The following HMBOX1 variants were observed in gnomAD, a reference collection of about 807,000 sequenced individuals.
HMBOX1 encodes homeobox-containing protein 1.
Under a neutral mutation model 54.5 loss-of-function variants are expected in HMBOX1, and 14 were observed. That is an observed-to-expected ratio of 0.26 (90% CI 0.17 to 0.40). The LOEUF (loss-of-function observed/expected upper bound fraction) is 0.40. HMBOX1 is among the 10% of genes least tolerant of loss of function. The pLI is 1.00. For synonymous variants in HMBOX1, 160 were observed against 181.0 expected, an observed-to-expected ratio of 0.88 and a Z score of 0.93; for missense variants, 332 against 514.4, an observed-to-expected ratio of 0.65 and a Z score of 3.43.
At chr8:28,933,048 C>T (rs1441071024) in intron 1 of HMBOX1, among the ~76,000 whole-genome samples, 4 of 151,960 alleles carry the variant, frequency 2.6e-5, no homozygotes, top group Admixed American at 6.6e-5. Flanking sequence ...TTTATAAAAG[C>T]GGGTCCAAGT....
chr8:29,050,776 C>A, intron 9 of HMBOX1: 1 of 494,082 alleles, frequency 2.0e-6, no homozygotes, highest in Non-Finnish European at 3.6e-6. Context: ...GAATAGAATT[C>A]TCAGTGATGA....
intron 4 of HMBOX1, among the ~76,000 whole-genome samples, chr8:28,990,624 T>C (rs1014363735): frequency 1.3e-5 from 2 of 152,100 alleles, no homozygotes; most frequent in African/African-American, 2.4e-5. Flanking sequence ...CTGTGTTCTT[T>C]CTATTTTTTT....
At chr8:28,992,873 A>AT (rs1831203698) in intron 4 of HMBOX1, among the ~76,000 whole-genome samples, 2 of 146,414 alleles carry the variant, frequency 1.4e-5, no homozygotes. Flanking sequence ...CTGTCTCAAA[A>AT]AAAAAAAAAA....
chr8:28,933,866 GAATT>G (rs1470295061), intron 1 of HMBOX1, among the ~76,000 whole-genome samples: 2 of 152,262 alleles, frequency 1.3e-5, no homozygotes, highest in East Asian at 1.9e-4. Context: ...GCTTAATGGT[GAATT>G]AATTAATGTT....
intron 2 of HMBOX1, among the ~76,000 whole-genome samples, chr8:28,968,948 C>T (rs900881354): frequency 6.6e-6 from 1 of 151,994 alleles, no homozygotes; most frequent in Non-Finnish European, 1.5e-5. Flanking sequence ...CCGAGGCGGG[C>T]GAATCACCTG....
At chr8:29,008,450 A>G (rs1158613702) in intron 4 of HMBOX1, among the ~76,000 whole-genome samples, 1 of 152,126 alleles carries the variant, frequency 6.6e-6, no homozygotes, top group African/African-American at 2.4e-5. Flanking sequence ...AGCTGTTGAG[A>G]TTTCTTAAGA....
chr8:28,918,468 G>T (rs982218388), intron 1 of HMBOX1, among the ~76,000 whole-genome samples: 1 of 152,192 alleles, frequency 6.6e-6, no homozygotes, highest in Non-Finnish European at 1.5e-5. Context: ...CTCCCAAAGT[G>T]TTGGGATTAC....
At position 28,970,394 on chromosome 8, in the gene HMBOX1, A is replaced by G; in HGVS notation, c.375A>G (p.Leu125=). The G allele has an allele frequency of 1.9e-6, 3 of 1,614,162 alleles. No homozygotes were observed. Among genetic ancestry groups the G allele is most frequent in the Non-Finnish European group, 2.5e-6 (3 of 1,179,986 alleles). ...ATGGGAGGGAGAATAATGAGCGATT[A>G]TCTACATCCAATGGAAAGATGTCAC... is the stretch of plus-strand genomic sequence containing the variant. ...NQNGRENNER[L]STSNGKMSPT... is the part of the protein sequence containing the mutation. Residue 125 remains leucine (L), a synonymous_variant, in exon 3 of 10, where the codon TTA becomes TTG. Coordinates refer to ENST00000287701, the MANE Select transcript of HMBOX1 (RefSeq NM_001135726.3). The surrounding 1 kb of genome is among the most constrained non-coding windows in gnomAD (Gnocchi z 4.3).
At chr8:29,046,877 G>T (rs1346535777) in intron 7 of HMBOX1, among the ~76,000 whole-genome samples, 1 of 152,204 alleles carries the variant, frequency 6.6e-6, no homozygotes, top group African/African-American at 2.4e-5. Context: ...AGCTACCTGG[G>T]GGGCTGAGGT....
At chr8:28,902,314 T>A (rs1290877172) in intron 1 of HMBOX1, among the ~76,000 whole-genome samples, 1 of 152,118 alleles carries the variant, frequency 6.6e-6, no homozygotes, top group African/African-American at 2.4e-5. Flanking sequence ...GGGTACTGGA[T>A]CAGAGAAATG....
At position 29,049,027 on chromosome 8, in the gene HMBOX1, C is replaced by T. The variant is rs766493916; in HGVS notation, c.1104C>T (p.Asp368=). 39 of 1,613,284 alleles carry T rather than the reference C, an allele frequency of 2.4e-5. No homozygotes were observed. Among genetic ancestry groups the T allele is most frequent in the African/African-American group, 9.4e-5 (7 of 74,696 alleles). ...GCCACTCAAACAGTGATGATGTCGA[C>T]GGGAATGACTACTCTGAGCAGGTGA... The part of the protein sequence containing the change: ...PGGHSNSDDV[D]GNDYSEQDDS... The change falls in exon 9 of 10, where the codon GAC becomes GAT. Residue 368 remains aspartate (D), a synonymous_variant. Coordinates refer to ENST00000287701, the MANE Select transcript of HMBOX1 (RefSeq NM_001135726.3).
At chr8:28,954,250 G>A (rs1824009447) in intron 1 of HMBOX1, among the ~76,000 whole-genome samples, 1 of 152,038 alleles carries the variant, frequency 6.6e-6, no homozygotes, top group Admixed American at 6.6e-5. Context: ...TTTTAGATGG[G>A]TAAAATTGGG....
intron 6 of HMBOX1, among the ~76,000 whole-genome samples, chr8:29,037,577 G>A (rs1053193262): frequency 6.6e-6 from 1 of 152,114 alleles, no homozygotes; most frequent in Non-Finnish European, 1.5e-5. Context: ...TGTGTATTAT[G>A]TATACATCTA....
chr8:29,005,106 A>G (rs1183945360), intron 4 of HMBOX1, among the ~76,000 whole-genome samples: 1 of 152,234 alleles, frequency 6.6e-6, no homozygotes, highest in African/African-American at 2.4e-5. Flanking sequence ...ACAGGAGAAT[A>G]TTCTATAACA....
intron 9 of HMBOX1, 123 bp from the exon 10 acceptor site, chr8:29,050,895 T>A: frequency 1.2e-6 from 1 of 835,938 alleles, no homozygotes. Flanking sequence ...CTCTATTTTA[T>A]CATGAGCCCC....
rs181185755 is a variant in HMBOX1 at position 29,006,381 on chromosome 8, A to G, written c.587-2691A>G. Among the ~76,000 whole-genome samples the G allele has an allele frequency of 2.0e-5, 3 of 152,290 alleles. No individual in the cohort carries two copies. In the East Asian group the frequency reaches 5.8e-4, roughly 29 times the overall value. On this transcript the variant is annotated intron_variant, in intron 4 of 9. Transcript: ENST00000287701. ...ATAAGAGCCTTCTTGTCTCTTTTGA[A>G]CATACTTCTATTGAGCAGGTGCACA...
chr8:28,914,396 C>G (rs1327006163), intron 1 of HMBOX1, among the ~76,000 whole-genome samples: 1 of 152,108 alleles, frequency 6.6e-6, no homozygotes, highest in East Asian at 1.9e-4. Context: ...CAAATAGATA[C>G]CCCATCTATT....
At chr8:28,906,678 C>G (rs1282348131) in intron 1 of HMBOX1, among the ~76,000 whole-genome samples, 2 of 152,192 alleles carry the variant, frequency 1.3e-5, no homozygotes, top group African/African-American at 2.4e-5. Flanking sequence ...CAACCTCCGC[C>G]TCCCAGGTTC....
Position 29,049,559 on chromosome 8 carries a change from GTC to G in HMBOX1, c.1125+515_1125+516del, listed in dbSNP as rs1256079859. 88 of 1,010,210 alleles carry G rather than the reference GTC, an allele frequency of 8.7e-5. No homozygotes were observed. The East Asian group carries it at 2.2e-3, about 25-fold the overall frequency. The allele number at this position is 1,010,210 out of a possible 1,614,324, so 62.6% of individuals were successfully genotyped here. A position where few individuals can be genotyped will look rare whatever the true frequency, so the allele number is the denominator to read the frequency against. On this transcript the variant is annotated intron_variant, in intron 9 of 9. Transcript: ENST00000287701. Reference sequence around the variant, plus strand: ...TGCCCAAAGGAGTGGTTCTTCCAGAGTCTCTGGCACACTGACACATGCATCCT... The same window carrying G: ...TGCCCAAAGGAGTGGTTCTTCCAGAGTCTGGCACACTGACACATGCATCCT...
Sources: allele counts gnomAD v4.1 joint callset (sites outside exome capture counted in the v4.1 genomes callset), GRCh38; gene constraint gnomAD v4.1.1; non-coding constraint Gnocchi (gnomAD v3.1); transcripts MANE v1.5; gene names NCBI Gene and HGNC (gene_info 2026-07-23, HGNC 2026-07-21).